RBFOX1: variants seen among roughly 807,000 people sequenced by gnomAD.
The protein encoded by RBFOX1 is RNA binding fox-1 homolog 1.
Under a neutral mutation model 57.7 loss-of-function variants are expected in RBFOX1, and 8 were observed. That is an observed-to-expected ratio of 0.14 (90% CI 0.08 to 0.25). The LOEUF (loss-of-function observed/expected upper bound fraction) is 0.25. Among genes scored for constraint, RBFOX1 ranks in the 10% least tolerant of loss-of-function variants. RBFOX1 has a pLI of 1.00. For synonymous variants in RBFOX1, 326 were observed against 222.4 expected, an observed-to-expected ratio of 1.47 and a Z score of -4.15; for missense variants, 611 against 548.5, an observed-to-expected ratio of 1.11 and a Z score of -1.14.
intron 4 of RBFOX1, among the ~76,000 whole-genome samples, chr16:7,204,238 A>G (rs2089425055): frequency 2.6e-5 from 4 of 152,174 alleles, no homozygotes; most frequent in African/African-American, 4.8e-5. Flanking sequence ...TCTTGCCTCT[A>G]TCTCAGGCCC....
chr16:7,580,993 A>T (rs1021126540), intron 6 of RBFOX1, among the ~76,000 whole-genome samples: 5 of 151,550 alleles, frequency 3.3e-5, no homozygotes, highest in Admixed American at 2.0e-4. Context: ...CCTCATTCCT[A>T]GCCAAGTTGG....
intron 1 of RBFOX1, among the ~76,000 whole-genome samples, chr16:6,062,297 C>CT (rs397961873): frequency 2.0e-5 from 3 of 151,956 alleles, no homozygotes; most frequent in African/African-American, 7.3e-5. Context: ...TTTAGCCCCC[C>CT]TGCCCTCTCA....
intron 4 of RBFOX1, among the ~76,000 whole-genome samples, chr16:7,147,353 C>G (rs2075224714): frequency 1.3e-5 from 2 of 148,906 alleles, no homozygotes; most frequent in African/African-American, 2.5e-5. Flanking sequence ...GAGTGGACAT[C>G]TGCAGGTCTG....
intron 2 of RBFOX1, among the ~76,000 whole-genome samples, chr16:5,549,926 G>C (rs984044757): frequency 1.3e-5 from 2 of 152,166 alleles, no homozygotes; most frequent in Non-Finnish European, 1.5e-5. Flanking sequence ...AACTGAGGTT[G>C]CTGGTAGATG....
At chr16:5,939,702 A>G (rs11860565) in intron 4 of RBFOX1, among the ~76,000 whole-genome samples, 3 of 151,282 alleles carry the variant, frequency 2.0e-5, no homozygotes, top group African/African-American at 7.3e-5. Flanking sequence ...TCCATTTTTT[A>G]AAAAAAAAAG....
chr16:5,941,234 A>G (rs1178326777), intron 4 of RBFOX1, among the ~76,000 whole-genome samples: 1 of 152,154 alleles, frequency 6.6e-6, no homozygotes, highest in Non-Finnish European at 1.5e-5. Flanking sequence ...TCATGTTTGT[A>G]ATCCCAATGC....
intron 1 of RBFOX1, among the ~76,000 whole-genome samples, chr16:6,208,456 T>C (rs1278326352): frequency 6.6e-6 from 1 of 151,970 alleles, no homozygotes. Context: ...GAGTAGACAT[T>C]TAGTGGAGGG....
intron 2 of RBFOX1, among the ~76,000 whole-genome samples, chr16:6,416,365 T>G (rs986993265): frequency 6.6e-6 from 1 of 152,154 alleles, no homozygotes; most frequent in Non-Finnish European, 1.5e-5. Flanking sequence ...CTTAAACTGG[T>G]TTTGAAGCCA....
At position 7,372,585 on chromosome 16, in the gene RBFOX1, A is replaced by G. The variant is rs2097588077; in HGVS notation, c.28-145562A>G. Among the ~76,000 whole-genome samples the G allele has an allele frequency of 2.0e-5, 3 of 152,158 alleles. No individual in the cohort carries two copies. The South Asian group carries it at 6.2e-4, about 32-fold the overall frequency. On this transcript the variant is annotated intron_variant, in intron 4 of 15. Coordinates refer to ENST00000550418, the MANE Select transcript of RBFOX1 (RefSeq NM_018723.4). ...GAGAAGGATTGCATCTGACTTAGGA[A>G]GAAGGAGTTTCAGAATCAATTAGTA...
chr16:7,566,047 T>G (rs2152721276), intron 5 of RBFOX1, among the ~76,000 whole-genome samples: 1 of 152,290 alleles, frequency 6.6e-6, no homozygotes, highest in South Asian at 2.1e-4. Flanking sequence ...TTTGATATAG[T>G]GCATCTGATA....
intron 3 of RBFOX1, among the ~76,000 whole-genome samples, chr16:6,877,495 TACTG>T (rs1394567741): frequency 6.6e-6 from 1 of 152,144 alleles, no homozygotes; most frequent in Admixed American, 6.5e-5. Flanking sequence ...AATGCCTACT[TACTG>T]TGGCCGAAAG....
chr16:6,119,270 T>C (rs1253385131), intron 1 of RBFOX1, among the ~76,000 whole-genome samples: 4 of 152,182 alleles, frequency 2.6e-5, no homozygotes, highest in Non-Finnish European at 5.9e-5. Context: ...GGGATATTTC[T>C]CAGCTCAGAT....
At chr16:6,612,970 G>T (rs962053559) in intron 2 of RBFOX1, among the ~76,000 whole-genome samples, 3 of 151,750 alleles carry the variant, frequency 2.0e-5, no homozygotes, top group Non-Finnish European at 4.4e-5. Flanking sequence ...CAGTTCACGT[G>T]CCAAGTGAGA....
At chr16:6,983,569 A>C (rs767204579) in intron 3 of RBFOX1, 5 of 152,120 alleles carry the variant, frequency 3.3e-5, no homozygotes, top group Non-Finnish European at 7.3e-5. Context: ...ACATGTTTCT[A>C]GTAAATTAAA....
intron 2 of RBFOX1, among the ~76,000 whole-genome samples, chr16:6,478,429 A>ATACATATATATATATT (rs1159954387): frequency 4.1e-5 from 1 of 24,616 alleles, no homozygotes; most frequent in African/African-American, 1.3e-4. Context: ...ATATATATAT[A>ATACATATATATATATT]TTTTTTTTTT....
rs149063511 is a variant in RBFOX1 at position 6,806,868 on chromosome 16, C to G, written c.-16+152218C>G. Among the ~76,000 whole-genome samples the G allele has an allele frequency of 1.8e-3, 164 of 89,400 alleles. 5 individuals carry two copies. In the East Asian group the frequency reaches 0.04, roughly 22 times the overall value. 58.6% of individuals were successfully genotyped at this position (89,400 alleles called of 152,430 possible). A position where few individuals can be genotyped will look rare whatever the true frequency, so the allele number is the denominator to read the frequency against. ...TTTTTTTTTGAGAGAAAGTCTTGCT[C>G]TGTTACCCAGGCTGGAGTGCAATAG... is the stretch of plus-strand genomic sequence containing the variant. On this transcript the variant is annotated intron_variant, in intron 3 of 15. Transcript: ENST00000550418.
intron 1 of RBFOX1, among the ~76,000 whole-genome samples, chr16:6,215,155 A>G (rs546167137): frequency 8.4e-6 from 1 of 119,180 alleles, no homozygotes; most frequent in Non-Finnish European, 1.7e-5. Flanking sequence ...GGAGAGGGAG[A>G]GGGACAGTGA....
At chr16:6,862,854 C>A (rs139277763) in intron 3 of RBFOX1, among the ~76,000 whole-genome samples, 2 of 151,474 alleles carry the variant, frequency 1.3e-5, no homozygotes, top group East Asian at 2.0e-4. Context: ...TCATGGTGGC[C>A]GGCACCTGTA....
At chr16:6,843,709 T>TA (rs1160126329) in intron 3 of RBFOX1, among the ~76,000 whole-genome samples, 23 of 151,988 alleles carry the variant, frequency 1.5e-4, no homozygotes, top group Admixed American at 1.5e-3. Context: ...AGTAAAATTA[T>TA]AAAAAAGCTT....
Sources: gnomAD v4.1 joint callset for allele counts (sites outside exome capture counted in the v4.1 genomes callset) on GRCh38, gnomAD v4.1.1 for gene constraint, MANE v1.5 for transcripts, NCBI Gene and HGNC (gene_info 2026-07-23, HGNC 2026-07-21) for gene names.